Variants in ACTR3C observed in about 807,000 individuals in gnomAD.
ACTR3C encodes actin related protein 3C.
ACTR3C carries 18 observed loss-of-function variants against 26.3 expected under a neutral mutation model. That is an observed-to-expected ratio of 0.68 (90% confidence interval 0.47 to 1.01). The LOEUF (loss-of-function observed/expected upper bound fraction) is 1.01, where lower values mean the gene tolerates loss of function less well. ACTR3C is among the 50% of genes least tolerant of loss of function. The probability of loss-of-function intolerance (pLI) is 0.00; values close to 1 mark genes in which losing one functional copy is unlikely to be tolerated. For missense variants in ACTR3C, 184 were observed against 250.7 expected (o/e 0.73, Z 1.80); for synonymous variants, 55 against 94.5 (o/e 0.58, Z 2.42).
the ACTR3C span, among the ~76,000 whole-genome samples, chr7:150,132,287 A>G: frequency 6.6e-6 from 1 of 152,240 alleles, no homozygotes; most frequent in Admixed American, 6.5e-5. Context: ...AGCTTAGGTC[A>G]TGATATAGGT....
At chr7:150,251,724 C>T (rs899783931) in intron 6 of ACTR3C, among the ~76,000 whole-genome samples, 9 of 151,930 alleles carry the variant, frequency 5.9e-5, no homozygotes, top group Admixed American at 5.9e-4. Context: ...TTAGCACTAG[C>T]TTAGAGGAAT....
the ACTR3C span, among the ~76,000 whole-genome samples, chr7:149,973,868 C>T: frequency 2.3e-5 from 3 of 129,610 alleles, no homozygotes; most frequent in Non-Finnish European, 4.8e-5. Context: ...AAGATCCACT[C>T]CACGGCTGCT....
chr7:150,033,089 T>C, the ACTR3C span, among the ~76,000 whole-genome samples: 1 of 152,154 alleles, frequency 6.6e-6, no homozygotes, highest in Non-Finnish European at 1.5e-5. Context: ...TGCTGTGTGG[T>C]GAGCACATTG....
At chr7:149,931,695 G>A in the ACTR3C span, among the ~76,000 whole-genome samples, 1 of 152,190 alleles carries the variant, frequency 6.6e-6, no homozygotes, top group Non-Finnish European at 1.5e-5. Flanking sequence ...CCACATCCCA[G>A]TGAGGAAGCA....
the ACTR3C span, among the ~76,000 whole-genome samples, chr7:150,099,113 C>A: frequency 1.4e-5 from 2 of 145,868 alleles, no homozygotes; most frequent in East Asian, 3.9e-4. Context: ...TTATAAACTG[C>A]CAGCAGTGGA....
the ACTR3C span, among the ~76,000 whole-genome samples, chr7:150,232,136 T>C: frequency 6.6e-6 from 1 of 152,248 alleles, no homozygotes; most frequent in African/African-American, 2.4e-5. Flanking sequence ...TCTTTTCCCT[T>C]ATAATTTTTC....
chr7:150,292,056 C>T (rs187935866), intron 3 of ACTR3C, among the ~76,000 whole-genome samples: 148 of 149,860 alleles, frequency 9.9e-4, no homozygotes, highest in African/African-American at 3.4e-3. Context: ...GGTATTAGTA[C>T]ATCACCCCAT....
chr7:150,221,302 T>G, the ACTR3C span, among the ~76,000 whole-genome samples: 1 of 152,212 alleles, frequency 6.6e-6, no homozygotes, highest in Non-Finnish European at 1.5e-5. Flanking sequence ...CTTCGTTTCC[T>G]TCTTTTTCTT....
At chr7:150,239,583 TA>T (rs1832070307), downstream of ACTR3C, among the ~76,000 whole-genome samples, 1 of 142,330 alleles carries the variant, frequency 7.0e-6, no homozygotes, top group Non-Finnish European at 1.5e-5. Context: ...GTTTGATATA[TA>T]AATATATAAA....
At chr7:150,019,793 T>TGCACGGTGA in the ACTR3C span, among the ~76,000 whole-genome samples, 2 of 151,858 alleles carry the variant, frequency 1.3e-5, no homozygotes, top group African/African-American at 2.4e-5. Flanking sequence ...GTAGAGATCC[T>TGCACGGTGA]GCACGGTGAG....
At chr7:149,970,910 G>C in the ACTR3C span, among the ~76,000 whole-genome samples, 1 of 152,192 alleles carries the variant, frequency 6.6e-6, no homozygotes, top group Non-Finnish European at 1.5e-5. Flanking sequence ...ATGGAATCAA[G>C]AATTGAAGAG....
chr7:149,909,687 G>A, the ACTR3C span: 7 of 445,942 alleles, frequency 1.6e-5, no homozygotes, highest in African/African-American at 1.5e-4. Flanking sequence ...TGTTGCCTGC[G>A]TAGCCAAGCT....
intron 3 of ACTR3C, among the ~76,000 whole-genome samples, chr7:150,292,465 G>A (rs1836344484): frequency 6.6e-6 from 1 of 151,976 alleles, no homozygotes; most frequent in African/African-American, 2.4e-5. Context: ...CCTTCTGCAA[G>A]CCAAAATGTA....
the ACTR3C span, among the ~76,000 whole-genome samples, chr7:149,948,184 G>A: frequency 2.4e-5 from 3 of 127,182 alleles, no homozygotes; most frequent in East Asian, 4.0e-4. Flanking sequence ...AAAATAGCAC[G>A]TGTCTTTTAA....
chr7:150,126,732 G>A, the ACTR3C span, among the ~76,000 whole-genome samples: 1 of 152,182 alleles, frequency 6.6e-6, no homozygotes, highest in Non-Finnish European at 1.5e-5. Context: ...AGACGGTCAG[G>A]CTCCAATGTG....
the ACTR3C span, among the ~76,000 whole-genome samples, chr7:150,149,133 G>C: frequency 2.5e-5 from 3 of 118,106 alleles, no homozygotes; most frequent in African/African-American, 6.3e-5. Flanking sequence ...ATATGCATTG[G>C]CCATTTGGAT....
chr7:150,063,658 A>G, the ACTR3C span, among the ~76,000 whole-genome samples: 2 of 151,752 alleles, frequency 1.3e-5, no homozygotes, highest in African/African-American at 4.9e-5. Context: ...ACTAAGAAAG[A>G]TCCAACAAAA....
the ACTR3C span, among the ~76,000 whole-genome samples, chr7:149,939,207 C>T: frequency 3.9e-5 from 6 of 151,972 alleles, no homozygotes; most frequent in East Asian, 1.9e-4. Context: ...CTCGAACTCC[C>T]GACCTCAGGT....
the ACTR3C span, among the ~76,000 whole-genome samples, chr7:150,030,522 T>A: frequency 6.6e-6 from 1 of 152,138 alleles, no homozygotes; most frequent in Non-Finnish European, 1.5e-5. Flanking sequence ...CATTTCTGTA[T>A]CCCATGGTGT....
Sources: gnomAD v4.1 joint callset for allele counts (sites outside exome capture counted in the v4.1 genomes callset) on GRCh38, gnomAD v4.1.1 for gene constraint, MANE v1.5 for transcripts, NCBI Gene and HGNC (gene_info 2026-07-23, HGNC 2026-07-21) for gene names.